The following PALLD variants were observed in gnomAD, a reference collection of about 807,000 sequenced individuals.
PALLD encodes palladin.
PALLD carries 61 observed loss-of-function variants against 123.5 expected under a neutral mutation model. That is an observed-to-expected ratio of 0.49 (90% CI 0.40 to 0.61). The LOEUF is 0.61. Ranked by LOEUF, PALLD falls within the 20% of genes least tolerant of loss-of-function variation. PALLD has a pLI of 0.00. For synonymous variants in PALLD, 465 were observed against 496.4 expected, an observed-to-expected ratio of 0.94 and a Z score of 0.84; for missense variants, 1,273 against 1,377.0, an observed-to-expected ratio of 0.92 and a Z score of 1.20.
intron 2 of PALLD, among the ~76,000 whole-genome samples, chr4:168,646,869 T>C (rs1777510487): frequency 6.6e-6 from 1 of 152,226 alleles, no homozygotes; most frequent in Non-Finnish European, 1.5e-5. Flanking sequence ...ACTTTTCTGG[T>C]AACAATATAG....
chr4:168,745,867 AG>A (rs1398672926), intron 10 of PALLD, among the ~76,000 whole-genome samples: 2 of 152,204 alleles, frequency 1.3e-5, no homozygotes, highest in African/African-American at 4.8e-5. Flanking sequence ...AGGAGAAAAG[AG>A]GAGGGATGGA....
At chr4:168,730,577 G>A (rs1039017880) in intron 10 of PALLD, among the ~76,000 whole-genome samples, 1 of 152,134 alleles carries the variant, frequency 6.6e-6, no homozygotes, top group Non-Finnish European at 1.5e-5. Flanking sequence ...GCACCAGCAA[G>A]TTGATTGGAA....
At chr4:168,637,943 CAAAAAAAAAA>C (rs11416996) in intron 2 of PALLD, among the ~76,000 whole-genome samples, 2 of 60,446 alleles carry the variant, frequency 3.3e-5, no homozygotes, top group South Asian at 7.8e-4. Flanking sequence ...GAATACATCT[CAAAAAAAAAA>C]AAAAAAAAAA....
intron 2 of PALLD, among the ~76,000 whole-genome samples, chr4:168,524,548 C>G (rs535942855): frequency 6.6e-6 from 1 of 152,132 alleles, no homozygotes; most frequent in South Asian, 2.1e-4. Context: ...GTAATAATCA[C>G]GTCATCATAG....
intron 10 of PALLD, among the ~76,000 whole-genome samples, chr4:168,741,904 T>G (rs758196836): frequency 4.6e-5 from 7 of 152,060 alleles, no homozygotes; most frequent in Non-Finnish European, 1.0e-4. Flanking sequence ...ACAGCTGACT[T>G]TATTTTTCGA....
rs531349219 is a variant in PALLD at position 168,548,874 on chromosome 4, A to T, written c.908+36462A>T. 4.5e-4 allele frequency among the ~76,000 whole-genome samples: 68 copies of T among 152,280 alleles called. 2 individuals are homozygous for T. The South Asian group carries it at 0.012, about 27-fold the overall frequency. On this transcript the variant is annotated intron_variant, in intron 2 of 21. Transcript: ENST00000505667. ...ATAATATGAAAGTTGCAGACTGGGT[A>T]CAGTGGCTCATACTTGTAATCACAA...
At position 168,927,315 on chromosome 4, in the gene PALLD, T is replaced by TTTTC. The variant is rs1208382862; in HGVS notation, c.*1138_*1141dup. ...TAGCAAAGGCCAGGCTTTTCTTTGG[T>TTTTC]TTTCTTCAAACATAGGTGAAAAAAA... On this transcript the variant is annotated 3_prime_UTR_variant, in exon 22 of 22. Transcript: ENST00000505667. The TTTTC allele has an allele frequency of 4.3e-6, 1 of 231,988 alleles. No homozygotes were observed. The highest frequency in any genetic ancestry group is 6.1e-5 in the East Asian group (1 of 16,422). The allele number at this position is 231,988 out of a possible 1,614,324, so 14.4% of individuals were successfully genotyped here. A position where few individuals can be genotyped will look rare whatever the true frequency, so the allele number is the denominator to read the frequency against.
At chr4:168,582,297 A>G (rs1339335676) in intron 2 of PALLD, among the ~76,000 whole-genome samples, 1 of 152,100 alleles carries the variant, frequency 6.6e-6, no homozygotes. Context: ...GTACAGAAAC[A>G]CAACTGACTT....
intron 1 of PALLD, chr4:168,504,938 T>A (rs1466370545): frequency 6.6e-6 from 1 of 152,196 alleles, no homozygotes; most frequent in Admixed American, 6.5e-5. Flanking sequence ...TCTGTGTCTA[T>A]CACACCGGCA....
intron 9 of PALLD, among the ~76,000 whole-genome samples, 179 bp downstream of exon 9, chr4:168,709,326 A>G (rs1198637343): frequency 6.6e-6 from 1 of 151,558 alleles, no homozygotes; most frequent in African/African-American, 2.4e-5. Context: ...CCTGGTTAAC[A>G]TGGTGAAACC....
chr4:168,708,252 C>G (rs936715886), intron 8 of PALLD, among the ~76,000 whole-genome samples: 5 of 152,194 alleles, frequency 3.3e-5, no homozygotes, highest in African/African-American at 9.7e-5. Context: ...GGTTATATAG[C>G]TGTCAGCTCT....
chr4:168,839,031 C>T (rs1018994164), intron 10 of PALLD, among the ~76,000 whole-genome samples: 3 of 152,130 alleles, frequency 2.0e-5, no homozygotes, highest in African/African-American at 4.8e-5. Flanking sequence ...TGGCTCGATG[C>T]AGCCCTGACA....
intron 2 of PALLD, among the ~76,000 whole-genome samples, chr4:168,628,320 C>T (rs888061423): frequency 2.2e-4 from 33 of 152,192 alleles, no homozygotes; most frequent in Non-Finnish European, 4.6e-4. Context: ...TAAGTCTCAT[C>T]GTGTCCGTCC....
At chr4:168,751,515 T>C (rs1463864446) in intron 10 of PALLD, among the ~76,000 whole-genome samples, 1 of 152,222 alleles carries the variant, frequency 6.6e-6, no homozygotes, top group East Asian at 1.9e-4. Flanking sequence ...CTCCAATTAA[T>C]GGCTGTGTGA....
chr4:168,665,328 T>C (rs1779532269), intron 2 of PALLD, among the ~76,000 whole-genome samples: 1 of 152,200 alleles, frequency 6.6e-6, no homozygotes, highest in Non-Finnish European at 1.5e-5. Context: ...ATTAACTTAC[T>C]CTCTAGGTTC....
Position 168,691,309 on chromosome 4 carries a change from G to A in PALLD, c.1501+17G>A. On this transcript the variant is annotated intron_variant, in intron 8 of 21. Coordinates refer to ENST00000505667, the MANE Select transcript of PALLD (RefSeq NM_001166108.2). The stretch of plus-strand genomic sequence containing the variant: ...CTGAACCTGGTAAGAATATTTTTAG[G>A]GTTTTTTTTTTTGGTGGTGGGGGAG... 4.4e-6 allele frequency: 7 copies of A among 1,603,204 alleles called. No homozygotes were observed. Among genetic ancestry groups the A allele is most frequent in the African/African-American group, 1.3e-5 (1 of 74,480 alleles).
chr4:168,680,042 G>T (rs1781386602), intron 3 of PALLD, among the ~76,000 whole-genome samples: 1 of 152,104 alleles, frequency 6.6e-6, no homozygotes, highest in Non-Finnish European at 1.5e-5. Context: ...AGGAATACCA[G>T]GCAGCTATCC....
At position 168,686,628 on chromosome 4, in the gene PALLD, G is replaced by A. The variant is rs192666163; in HGVS notation, c.1335+1069G>A. The A allele has an allele frequency of 9.2e-5, 14 of 152,432 alleles. No homozygotes were observed. The East Asian group carries it at 2.1e-3, about 23-fold the overall frequency. 9.4% of individuals were successfully genotyped at this position (152,432 alleles called of 1,614,324 possible). ...CATTTAAAAATATGGAACGCTTCAC[G>A]AATTTGCATGTCATCCTTGTGCAGA... On this transcript the variant is annotated intron_variant, in intron 6 of 21. Coordinates refer to ENST00000505667, the MANE Select transcript of PALLD (RefSeq NM_001166108.2).
chr4:168,726,685 G>A (rs1786619488), intron 10 of PALLD, among the ~76,000 whole-genome samples: 1 of 151,788 alleles, frequency 6.6e-6, no homozygotes, highest in Admixed American at 6.6e-5. Context: ...ACTCAGCCCA[G>A]GGTTCAGCAG....
Sources: gnomAD v4.1 joint callset for allele counts (sites outside exome capture counted in the v4.1 genomes callset) on GRCh38, gnomAD v4.1.1 for gene constraint, MANE v1.5 for transcripts, NCBI Gene and HGNC (gene_info 2026-07-23, HGNC 2026-07-21) for gene names.